The following PPARD variants were observed in gnomAD, a reference collection of about 807,000 sequenced individuals.
The protein encoded by PPARD is peroxisome proliferator activated receptor delta, also known as peroxisome proliferator-activated receptor delta.
In PPARD, 6 loss-of-function variants were observed where a neutral mutation model predicts 39.5. That is an observed-to-expected ratio of 0.15 (90% CI 0.08 to 0.30). PPARD has a LOEUF of 0.30. Ranked by LOEUF, PPARD falls within the 10% of genes least tolerant of loss-of-function variation. PPARD has a pLI of 1.00. For synonymous variants in PPARD, 210 were observed against 231.3 expected (o/e 0.91, Z 0.83); for missense variants, 397 against 596.8 (o/e 0.67, Z 3.49).
At chr6:35,354,210 C>T (rs113176460) in intron 2 of PPARD, among the ~76,000 whole-genome samples, 5,786 of 120,354 alleles carry the variant, frequency 0.048, 319 homozygotes, top group African/African-American at 0.14. Flanking sequence ...CCAGCCTGGG[C>T]GACAGAGCGA....
chr6:35,404,435 TAAG>T (rs1764894570), intron 2 of PPARD, among the ~76,000 whole-genome samples: 2 of 152,098 alleles, frequency 1.3e-5, no homozygotes. Context: ...TCTGGTACAG[TAAG>T]AAGGTCCATC....
intron 3 of PPARD, among the ~76,000 whole-genome samples, chr6:35,414,062 C>T (rs1235546797): frequency 2.0e-5 from 3 of 152,124 alleles, no homozygotes; most frequent in Non-Finnish European, 4.4e-5. Flanking sequence ...CAGAGATTCC[C>T]ATGCCAGCTT....
At chr6:35,347,342 G>T (rs1792244922) in intron 2 of PPARD, among the ~76,000 whole-genome samples, 192 bp downstream of exon 2, 1 of 152,086 alleles carries the variant, frequency 6.6e-6, no homozygotes, top group Non-Finnish European at 1.5e-5. Context: ...AAAGTCTATG[G>T]CTTACATAGT....
chr6:35,414,536 A>G (rs1402097855), intron 3 of PPARD, among the ~76,000 whole-genome samples: 2 of 152,140 alleles, frequency 1.3e-5, no homozygotes, highest in East Asian at 3.8e-4. Context: ...GAGATCACAG[A>G]GACCAGGGCA....
At chr6:35,397,588 T>G in intron 2 of PPARD, 1 of 982,398 alleles carries the variant, frequency 1.0e-6, no homozygotes, top group Non-Finnish European at 1.2e-6. Flanking sequence ...ACAGGACTGC[T>G]TCAAGGTGCG....
chr6:35,354,142 G>A (rs1761422368), intron 2 of PPARD, among the ~76,000 whole-genome samples: 1 of 144,088 alleles, frequency 6.9e-6, no homozygotes, highest in Admixed American at 7.1e-5. Flanking sequence ...TGAGGCAGGA[G>A]AATGGCATGA....
In PPARD at chr6:35,393,477, A is replaced by G. The variant is rs1302568322; in HGVS notation, c.-101-17510A>G. Reference sequence around the variant, plus strand: ...TGAATGTATTCCCCAAGTGTCATCAATAAGTCACTCCGGTTCTGGCATTTC... The same window carrying G: ...TGAATGTATTCCCCAAGTGTCATCAGTAAGTCACTCCGGTTCTGGCATTTC... On this transcript the variant is annotated intron_variant, in intron 2 of 7. Coordinates refer to ENST00000360694, the MANE Select transcript of PPARD (RefSeq NM_006238.5). Among the ~76,000 whole-genome samples the G allele has an allele frequency of 2.6e-5, 4 of 152,274 alleles. No homozygotes were observed. In the South Asian group the frequency reaches 6.2e-4, roughly 24 times the overall value.
intron 2 of PPARD, among the ~76,000 whole-genome samples, chr6:35,365,130 C>CTTTT (rs551946022): frequency 9.1e-5 from 11 of 121,072 alleles, no homozygotes; most frequent in East Asian, 7.6e-4. Flanking sequence ...CTTCCTTATT[C>CTTTT]TTTTTTTTTT....
chr6:35,392,200 C>T (rs554396605), intron 2 of PPARD, among the ~76,000 whole-genome samples: 97 of 151,826 alleles, frequency 6.4e-4, no homozygotes, highest in African/African-American at 2.2e-3. Context: ...AGGCTGGAAC[C>T]GCACCAGCAG....
chr6:35,425,380 A>C lies in PPARD; in HGVS notation c.1079-452A>C. The stretch of plus-strand genomic sequence containing the variant: ...TTTAAAATTCCAACACAATAAATAC[A>C]ATAATAACTATGCTAACTAACAGTG... On this transcript the variant is annotated intron_variant, in intron 7 of 7. Transcript: ENST00000360694. The surrounding 1 kb of genome is among the most constrained non-coding windows in gnomAD (Gnocchi z 4.5). The C allele has an allele frequency of 9.8e-7, 1 of 1,022,634 alleles. No individual in the cohort carries two copies. The highest frequency in any genetic ancestry group is 1.2e-6 in the Non-Finnish European group (1 of 853,230). The allele number at this position is 1,022,634 out of a possible 1,614,324, so 63.3% of individuals were successfully genotyped here.
intron 2 of PPARD, among the ~76,000 whole-genome samples, chr6:35,355,397 C>CA (rs1384607911): frequency 3.3e-5 from 5 of 151,510 alleles, no homozygotes; most frequent in Admixed American, 6.6e-5. Context: ...ACAAAAAATA[C>CA]AAAAATTATC....
At chr6:35,385,226 G>A (rs1211694897) in intron 2 of PPARD, among the ~76,000 whole-genome samples, 14 of 148,758 alleles carry the variant, frequency 9.4e-5, no homozygotes, top group African/African-American at 2.0e-4. Context: ...TTGAGAAATC[G>A]GATGGTTGCC....
At chr6:35,410,856 C>A in intron 2 of PPARD, 131 bp from the exon 3 acceptor site, 2 of 1,147,272 alleles carry the variant, frequency 1.7e-6, no homozygotes, top group Non-Finnish European at 2.2e-6. Flanking sequence ...TATAGCACTG[C>A]AGGAACTAGG....
chr6:35,420,486 C>T (rs1174193120), intron 4 of PPARD, among the ~76,000 whole-genome samples: 1 of 152,154 alleles, frequency 6.6e-6, no homozygotes. Context: ...TCAAGCCTAC[C>T]CTGCTGGGCA....
At position 35,397,330 on chromosome 6, in the gene PPARD, GC is replaced by G. The variant is rs9658116; in HGVS notation, c.-101-13650del. Reference sequence around the variant, plus strand: ...GCTGCCTCCCCATGGGAAAAATGAAGCCCCCCCTCCCGCAACCACCACCACC... The same window carrying G: ...GCTGCCTCCCCATGGGAAAAATGAAGCCCCCCTCCCGCAACCACCACCACC... On this transcript the variant is annotated intron_variant, in intron 2 of 7. Coordinates refer to ENST00000360694, the MANE Select transcript of PPARD (RefSeq NM_006238.5). Among the ~76,000 whole-genome samples the G allele has an allele frequency of 3.6e-3, 548 of 152,000 alleles. 2 individuals are homozygous for G. Among genetic ancestry groups the G allele is most frequent in the African/African-American group, 0.011 (473 of 41,432 alleles).
intron 1 of PPARD, among the ~76,000 whole-genome samples, chr6:35,346,000 C>G (rs9658064): frequency 0.05 from 7,601 of 151,922 alleles, 622 homozygotes; most frequent in African/African-American, 0.17. Context: ...CCTCAGCCTC[C>G]TGAGTAGCTG....
At chr6:35,343,822 G>A (rs1792007833) in intron 1 of PPARD, among the ~76,000 whole-genome samples, 1 of 152,140 alleles carries the variant, frequency 6.6e-6, no homozygotes, top group Non-Finnish European at 1.5e-5. Context: ...CACTCTGGAT[G>A]TGTGGAATAC....
At chr6:35,390,889 G>A (rs912929050) in intron 2 of PPARD, among the ~76,000 whole-genome samples, 3 of 152,252 alleles carry the variant, frequency 2.0e-5, no homozygotes, top group Middle Eastern at 6.8e-3. Context: ...CAGCATGGTG[G>A]CATGTGCCTG....
In PPARD at chr6:35,423,969, G is replaced by C. The variant is rs1766391835; in HGVS notation, c.448G>C (p.Glu150Gln). The change falls in exon 6 of 8, where the codon GAG becomes CAG. Residue 150 changes from glutamate to glutamine, a missense_variant. Physicochemically the swap from Glu to Gln is conservative, Grantham distance 29. Coordinates refer to ENST00000360694, the MANE Select transcript of PPARD (RefSeq NM_006238.5). ...HNAIRFGRMP[E>Q]AEKRKLVAGL... ...AGCTATCCGTTTTGGTCGGATGCCG[G>C]AGGCTGAGAAGAGGAAGCTGGTGGC... 6.2e-7 allele frequency: 1 copy of C among 1,614,064 alleles called. No individual in the cohort carries two copies. Among genetic ancestry groups the C allele is most frequent in the Non-Finnish European group, 8.5e-7 (1 of 1,180,044 alleles).
Sources: allele counts gnomAD v4.1 joint callset (sites outside exome capture counted in the v4.1 genomes callset), GRCh38; gene constraint gnomAD v4.1.1; non-coding constraint Gnocchi (gnomAD v3.1); transcripts MANE v1.5; gene names NCBI Gene and HGNC (gene_info 2026-07-23, HGNC 2026-07-21).